The following FCHSD2 variants were observed in gnomAD, a reference collection of about 807,000 sequenced individuals.
FCHSD2 encodes the protein F-BAR and double SH3 domains protein 2.
FCHSD2 carries 38 observed loss-of-function variants against 108.1 expected under a neutral mutation model. That is an observed-to-expected ratio of 0.35 (90% confidence interval 0.27 to 0.46). The LOEUF is 0.46. FCHSD2 is among the 20% of genes least tolerant of loss of function. The pLI, the probability that FCHSD2 is intolerant of heterozygous loss-of-function variation, is 1.00. For missense variants in FCHSD2, 751 were observed against 897.8 expected (o/e 0.84, Z 2.09); for synonymous variants, 279 against 314.7 (o/e 0.89, Z 1.20).
chr11:73,058,049 T>A (rs951664764), intron 3 of FCHSD2, among the ~76,000 whole-genome samples: 2 of 152,014 alleles, frequency 1.3e-5, no homozygotes, highest in African/African-American at 4.8e-5. Flanking sequence ...CTGGCTAATT[T>A]TTTGTATTTT....
chr11:72,843,224 G>A lies in FCHSD2; in HGVS notation c.1632C>T (p.Asp544=). The A allele has an allele frequency of 6.2e-7, 1 of 1,614,022 alleles. No individual in the cohort carries two copies. Among genetic ancestry groups the A allele is most frequent in the Non-Finnish European group, 8.5e-7 (1 of 1,179,884 alleles). ...LSMLQSLAAL[D]SRSHTSSNST... is the part of the protein sequence containing the mutation. ...AATTGCTGGACGTGTGTGACCGACTGTCCAAAGCGGCCAGGGACTGCAGCA... is the reference window on the plus strand; with the variant it reads ...AATTGCTGGACGTGTGTGACCGACTATCCAAAGCGGCCAGGGACTGCAGCA... The change falls in exon 16 of 20, where the codon GAC becomes GAT. Residue 544 remains aspartate (D), a synonymous_variant. Transcript: ENST00000409418.
chr11:73,109,533 G>A (rs1860431978), intron 2 of FCHSD2, among the ~76,000 whole-genome samples: 1 of 152,102 alleles, frequency 6.6e-6, no homozygotes, highest in Non-Finnish European at 1.5e-5. Flanking sequence ...TTGGCATACA[G>A]AAATCTTACT....
intron 3 of FCHSD2, among the ~76,000 whole-genome samples, chr11:73,077,441 T>A (rs1859584426): frequency 6.6e-6 from 1 of 152,182 alleles, no homozygotes; most frequent in Non-Finnish European, 1.5e-5. Flanking sequence ...CACCTAGAAC[T>A]CACATACACA....
chr11:72,967,366 C>A (rs1044659400), intron 8 of FCHSD2, among the ~76,000 whole-genome samples: 7 of 151,884 alleles, frequency 4.6e-5, no homozygotes, highest in Non-Finnish European at 1.0e-4. Flanking sequence ...AAATGCCCAT[C>A]AACTTTTGAA....
intron 3 of FCHSD2, among the ~76,000 whole-genome samples, chr11:73,032,948 G>A (rs1447621584): frequency 6.6e-6 from 1 of 152,122 alleles, no homozygotes; most frequent in African/African-American, 2.4e-5. Flanking sequence ...AGACTAAAAT[G>A]TGATTTAAAA....
intron 8 of FCHSD2, among the ~76,000 whole-genome samples, chr11:72,956,374 G>A (rs1462103782): frequency 2.0e-5 from 3 of 152,138 alleles, no homozygotes; most frequent in African/African-American, 7.2e-5. Context: ...GCTAAGGCTG[G>A]TGAGTGGAGG....
chr11:72,843,711 A>G (rs1861037309), intron 14 of FCHSD2, 179 bp from the exon 15 acceptor site: 1 of 588,312 alleles, frequency 1.7e-6, no homozygotes, highest in African/African-American at 1.9e-5. Flanking sequence ...TTAAAAAACT[A>G]AACAGAATAA....
At chr11:73,043,445 A>G (rs1396260851) in intron 3 of FCHSD2, among the ~76,000 whole-genome samples, 1 of 152,176 alleles carries the variant, frequency 6.6e-6, no homozygotes, top group Non-Finnish European at 1.5e-5. Flanking sequence ...CATTTTGGTA[A>G]GCAGATCCAC....
At position 72,956,765 on chromosome 11, in the gene FCHSD2, T is replaced by C. The variant is rs546642365; in HGVS notation, c.705+27323A>G. 1.2e-3 allele frequency among the ~76,000 whole-genome samples: 177 copies of C among 152,050 alleles called. 1 individual carries two copies. The highest frequency in any genetic ancestry group is 4.1e-3 in the African/African-American group (170 of 41,478). On this transcript the variant is annotated intron_variant, in intron 8 of 19. Coordinates refer to ENST00000409418, the MANE Select transcript of FCHSD2 (RefSeq NM_014824.3). ...GGGTCAGGACCTCAACATATGAATT[T>C]TGGGGAAACTTCAGACCATAGCACT...
At position 73,133,018 on chromosome 11, in the gene FCHSD2, C is replaced by T. The variant is rs531060082; in HGVS notation, c.119+7013G>A. On this transcript the variant is annotated intron_variant, in intron 2 of 19. Coordinates refer to ENST00000409418, the MANE Select transcript of FCHSD2 (RefSeq NM_014824.3). ...TGGCCAATAAGCACATGAAAAAATG[C>T]TCACCATCATAAGTTGTTAGAAAAA... Among the ~76,000 whole-genome samples, 3 of 152,216 alleles carry T rather than the reference C, an allele frequency of 2.0e-5. No homozygotes were observed. The East Asian group carries it at 5.8e-4, about 29-fold the overall frequency.
At chr11:72,866,395 G>A (rs1854725643) in intron 13 of FCHSD2, among the ~76,000 whole-genome samples, 1 of 152,108 alleles carries the variant, frequency 6.6e-6, no homozygotes, top group Non-Finnish European at 1.5e-5. Context: ...TCAGTCTCCT[G>A]AGTAGCTGGG....
chr11:73,113,353 C>CTT lies in FCHSD2; in HGVS notation c.119+26676_119+26677dup, dbSNP rs35979371. On this transcript the variant is annotated intron_variant, in intron 2 of 19. Coordinates refer to ENST00000409418, the MANE Select transcript of FCHSD2 (RefSeq NM_014824.3). ...TGATCATCATGCTTCCCAAGATGGT[C>CTT]TTTTTTTTTTTTTTTTTTTTTTTTT... is the stretch of plus-strand genomic sequence containing the variant. Among the ~76,000 whole-genome samples, 63 of 29,918 alleles carry CTT rather than the reference C, an allele frequency of 2.1e-3. 13 individuals carry two copies. Among genetic ancestry groups the CTT allele is most frequent in the African/African-American group, 2.5e-3 (21 of 8,290 alleles). The allele number at this position is 29,918 out of a possible 152,430, so 19.6% of individuals were successfully genotyped here.
intron 13 of FCHSD2, among the ~76,000 whole-genome samples, chr11:72,850,565 C>T (rs1002691259): frequency 6.0e-5 from 9 of 151,186 alleles, no homozygotes; most frequent in Non-Finnish European, 1.2e-4. Flanking sequence ...GTGTTAGCCA[C>T]GATGGTCTCG....
At chr11:72,998,314 C>G (rs567590868) in intron 5 of FCHSD2, among the ~76,000 whole-genome samples, 2 of 152,166 alleles carry the variant, frequency 1.3e-5, no homozygotes, top group East Asian at 3.9e-4. Context: ...CTGAGGCAGG[C>G]AGATCACTTG....
At chr11:72,930,233 T>A (rs982617388) in intron 8 of FCHSD2, among the ~76,000 whole-genome samples, 2 of 152,066 alleles carry the variant, frequency 1.3e-5, no homozygotes, top group African/African-American at 4.8e-5. Context: ...CTGAAACCAG[T>A]ATTATCTAAT....
intron 8 of FCHSD2, among the ~76,000 whole-genome samples, chr11:72,956,577 A>T (rs980873970): frequency 7.9e-5 from 12 of 152,240 alleles, no homozygotes; most frequent in Admixed American, 7.8e-4. Flanking sequence ...TCAAGGCGCC[A>T]GCAGATTTGG....
At chr11:73,054,148 C>G (rs1405061130) in intron 3 of FCHSD2, among the ~76,000 whole-genome samples, 1 of 151,666 alleles carries the variant, frequency 6.6e-6, no homozygotes, top group Non-Finnish European at 1.5e-5. Context: ...CACTCTACAA[C>G]AGCAATGTTG....
At chr11:73,038,036 TG>T (rs1565379581) in intron 3 of FCHSD2, among the ~76,000 whole-genome samples, 1 of 152,248 alleles carries the variant, frequency 6.6e-6, no homozygotes, top group Admixed American at 6.5e-5. Context: ...ACAAGTCTTC[TG>T]CTAGATGCTA....
At chr11:72,839,155 G>T (rs1471761806) in intron 19 of FCHSD2, among the ~76,000 whole-genome samples, 1 of 152,178 alleles carries the variant, frequency 6.6e-6, no homozygotes, top group Non-Finnish European at 1.5e-5. Flanking sequence ...CCAAAGCAAA[G>T]GTCTGGCTGG....
Sources: allele counts gnomAD v4.1 joint callset (sites outside exome capture counted in the v4.1 genomes callset), GRCh38; gene constraint gnomAD v4.1.1; transcripts MANE v1.5; gene names NCBI Gene and HGNC (gene_info 2026-07-23, HGNC 2026-07-21).